Variants in EXOC6B observed in about 807,000 individuals in gnomAD.
EXOC6B encodes SEC15 homolog B.
A neutral mutation model predicts 113.5 loss-of-function variants in EXOC6B; 54 were observed. The observed-to-expected ratio is 0.48, with a 90% CI of 0.38 to 0.60. EXOC6B has a LOEUF of 0.60. Ranked by LOEUF, EXOC6B falls within the 20% of genes least tolerant of loss-of-function variation. The pLI, the probability that EXOC6B is intolerant of heterozygous loss-of-function variation, is 0.00. For synonymous variants in EXOC6B, 357 were observed against 339.0 expected, an observed-to-expected ratio of 1.05 and a Z score of -0.58; for missense variants, 797 against 977.5, an observed-to-expected ratio of 0.82 and a Z score of 2.46.
intron 20 of EXOC6B, among the ~76,000 whole-genome samples, chr2:72,320,043 G>C (rs1410024123): frequency 6.6e-6 from 1 of 151,762 alleles, no homozygotes; most frequent in Non-Finnish European, 1.5e-5. Flanking sequence ...CACCATGTTG[G>C]CCAGGATGGT....
intron 18 of EXOC6B, among the ~76,000 whole-genome samples, chr2:72,442,032 G>A (rs886609780): frequency 1.3e-5 from 2 of 152,056 alleles, no homozygotes; most frequent in Non-Finnish European, 2.9e-5. Context: ...ATCGAGCAGC[G>A]CATCAAAAAG....
At chr2:72,756,924 A>T (rs1169031716) in intron 1 of EXOC6B, among the ~76,000 whole-genome samples, 1 of 152,180 alleles carries the variant, frequency 6.6e-6, no homozygotes, top group Admixed American at 6.6e-5. Context: ...CACATTCAAT[A>T]TAAAGATAAA....
intron 7 of EXOC6B, among the ~76,000 whole-genome samples, chr2:72,575,274 G>A (rs1305712519): frequency 6.6e-6 from 1 of 152,056 alleles, no homozygotes; most frequent in African/African-American, 2.4e-5. Context: ...AAATAGAGGA[G>A]TGAATTTAAA....
At position 72,379,243 on chromosome 2, in the gene EXOC6B, A is replaced by T. The variant is rs370806925; in HGVS notation, c.2122+486T>A. ...GCAACTGACTGCCTTTGAGAAAAATAAAATTTATTTGTTTAAGCCACTCTT... is the reference window on the plus strand; with the variant it reads ...GCAACTGACTGCCTTTGAGAAAAATTAAATTTATTTGTTTAAGCCACTCTT... On this transcript the variant is annotated intron_variant, in intron 19 of 21. Coordinates refer to ENST00000272427, the MANE Select transcript of EXOC6B (RefSeq NM_015189.3). Among the ~76,000 whole-genome samples the T allele has an allele frequency of 3.1e-4, 47 of 152,350 alleles. 1 individual carries two copies. The East Asian group carries it at 8.5e-3, about 28-fold the overall frequency.
At chr2:72,811,601 T>C (rs1402225760) in intron 1 of EXOC6B, among the ~76,000 whole-genome samples, 1 of 152,000 alleles carries the variant, frequency 6.6e-6, no homozygotes, top group Non-Finnish European at 1.5e-5. Context: ...AAACCAGACA[T>C]AAGACAATAA....
At chr2:72,554,992 G>A (rs1703455020) in intron 8 of EXOC6B, among the ~76,000 whole-genome samples, 1 of 152,074 alleles carries the variant, frequency 6.6e-6, no homozygotes, top group African/African-American at 2.4e-5. Flanking sequence ...ACCTATGAGT[G>A]AGAACATGTG....
Position 72,179,455 on chromosome 2 carries a change from C to T in EXOC6B, c.2316G>A (p.Lys772=), listed in dbSNP as rs1677951519. 6.2e-7 allele frequency: 1 copy of T among 1,613,732 alleles called. No individual in the cohort carries two copies. The highest frequency in any genetic ancestry group is 8.5e-7 in the Non-Finnish European group (1 of 1,179,880). Residue 772 remains lysine, a synonymous_variant, in exon 22 of 22, where the codon AAG becomes AAA. Coordinates refer to ENST00000272427, the MANE Select transcript of EXOC6B (RefSeq NM_015189.3). ...ACATGTTGTTCTTGCGGCTAGTATC[C>T]TTCATCCTAAACAGAGAAGGAAAGA... ...VTALTLLEKM[K]DTSRKNNMFA...
intron 6 of EXOC6B, among the ~76,000 whole-genome samples, chr2:72,657,453 A>G (rs1164646971): frequency 2.6e-5 from 4 of 151,078 alleles, no homozygotes. Flanking sequence ...GCTGGTCTCC[A>G]ACTCCTGACC....
chr2:72,663,573 T>C (rs953936133), intron 6 of EXOC6B, among the ~76,000 whole-genome samples: 1 of 152,142 alleles, frequency 6.6e-6, no homozygotes, highest in Non-Finnish European at 1.5e-5. Context: ...CCACAACTTG[T>C]AGGATGCAGT....
chr2:72,284,607 T>C (rs184859442), intron 20 of EXOC6B, among the ~76,000 whole-genome samples: 1 of 152,108 alleles, frequency 6.6e-6, no homozygotes, highest in Admixed American at 6.5e-5. Flanking sequence ...TTCAACATAT[T>C]ATTGGAAGTC....
intron 1 of EXOC6B, among the ~76,000 whole-genome samples, chr2:72,757,705 G>A (rs989135931): frequency 5.9e-5 from 9 of 152,202 alleles, no homozygotes; most frequent in Admixed American, 3.9e-4. Flanking sequence ...ATCTCTCTGA[G>A]TTTCTTTTTT....
chr2:72,344,097 T>C (rs1321420480), intron 19 of EXOC6B, among the ~76,000 whole-genome samples: 2 of 152,154 alleles, frequency 1.3e-5, no homozygotes, highest in East Asian at 3.9e-4. Context: ...CACATGTCCC[T>C]TAGGTTCTGT....
At chr2:72,231,028 T>C (rs1681587207) in intron 20 of EXOC6B, among the ~76,000 whole-genome samples, 4 of 152,180 alleles carry the variant, frequency 2.6e-5, no homozygotes, top group African/African-American at 9.7e-5. Flanking sequence ...AACATTGATT[T>C]AATAAAATCA....
intron 20 of EXOC6B, among the ~76,000 whole-genome samples, chr2:72,213,826 C>T (rs948537784): frequency 1.2e-4 from 19 of 152,084 alleles, no homozygotes; most frequent in Non-Finnish European, 2.2e-4. Context: ...AGTTTCCATG[C>T]CAGAAAGTGT....
At chr2:72,568,593 G>A (rs1034778477) in intron 7 of EXOC6B, among the ~76,000 whole-genome samples, 1 of 151,812 alleles carries the variant, frequency 6.6e-6, no homozygotes, top group Non-Finnish European at 1.5e-5. Flanking sequence ...TTTTCAGAGA[G>A]AGGAAGCGTC....
intron 20 of EXOC6B, among the ~76,000 whole-genome samples, chr2:72,201,433 T>TAA (rs35631526): frequency 8.6e-5 from 13 of 150,960 alleles, no homozygotes; most frequent in Non-Finnish European, 1.6e-4. Flanking sequence ...TGAAATGATG[T>TAA]AAAAAAAAAT....
At chr2:72,484,791 T>A (rs539480869) in intron 16 of EXOC6B, among the ~76,000 whole-genome samples, 19 of 152,310 alleles carry the variant, frequency 1.2e-4, no homozygotes, top group African/African-American at 3.6e-4. Context: ...CATTCCTTTT[T>A]ATGGCTGCAT....
intron 1 of EXOC6B, among the ~76,000 whole-genome samples, chr2:72,756,889 G>T (rs1453330016): frequency 5.3e-5 from 8 of 152,042 alleles, no homozygotes; most frequent in Non-Finnish European, 4.4e-5. Context: ...AAGGTGAGGT[G>T]AAGAAACAGA....
intron 6 of EXOC6B, among the ~76,000 whole-genome samples, chr2:72,618,179 G>T (rs1269039366): frequency 6.6e-6 from 1 of 152,064 alleles, no homozygotes; most frequent in Non-Finnish European, 1.5e-5. Context: ...GACCAGTCTG[G>T]CCAACATGGT....
Sources: allele counts gnomAD v4.1 joint callset (sites outside exome capture counted in the v4.1 genomes callset), GRCh38; gene constraint gnomAD v4.1.1; transcripts MANE v1.5; gene names NCBI Gene and HGNC (gene_info 2026-07-23, HGNC 2026-07-21).